The following ABI3BP variants were observed in gnomAD, a reference collection of about 807,000 sequenced individuals.
ABI3BP encodes the protein ABI family member 3 binding protein.
In ABI3BP, 216 loss-of-function variants were observed where a neutral mutation model predicts 268.6. The observed-to-expected ratio is 0.80, with a 90% CI of 0.72 to 0.90. The LOEUF (loss-of-function observed/expected upper bound fraction) is 0.90. ABI3BP is among the 40% of genes least tolerant of loss of function. ABI3BP has a pLI of 0.00. For missense variants in ABI3BP, 2,090 were observed against 2,182.4 expected, an observed-to-expected ratio of 0.96 and a Z score of 0.84; for synonymous variants, 730 against 730.0, an observed-to-expected ratio of 1.00 and a Z score of 0.00.
At position 100,987,580 on chromosome 3, in the gene ABI3BP, C is replaced by T. The variant is rs2092136227; in HGVS notation, c.79+5726G>A. Among the ~76,000 whole-genome samples, 4 of 152,118 alleles carry T rather than the reference C, an allele frequency of 2.6e-5. No individual in the cohort carries two copies. In the South Asian group the frequency reaches 8.3e-4, roughly 32 times the overall value. Reference sequence around the variant, plus strand: ...TTTGTAATATAAGGTTCTTTTATAGCAGGGGCTGTATCTCATTCAGTTTAC... The same window carrying T: ...TTTGTAATATAAGGTTCTTTTATAGTAGGGGCTGTATCTCATTCAGTTTAC... On this transcript the variant is annotated intron_variant, in intron 1 of 67. Coordinates refer to ENST00000471714, the MANE Select transcript of ABI3BP (RefSeq NM_001375547.2).
At chr3:100,776,289 G>C (rs958985705) in intron 59 of ABI3BP, among the ~76,000 whole-genome samples, 1 of 152,188 alleles carries the variant, frequency 6.6e-6, no homozygotes, top group Admixed American at 6.5e-5. Flanking sequence ...AGTCAGAAGG[G>C]CCTCTGACCT....
At chr3:100,890,274 C>A (rs907326041) in intron 4 of ABI3BP, among the ~76,000 whole-genome samples, 1 of 152,112 alleles carries the variant, frequency 6.6e-6, no homozygotes. Flanking sequence ...TGTCAAAGAA[C>A]ACATCCTGAC....
At chr3:100,931,165 C>T (rs1286899307) in intron 1 of ABI3BP, among the ~76,000 whole-genome samples, 1 of 152,030 alleles carries the variant, frequency 6.6e-6, no homozygotes, top group Non-Finnish European at 1.5e-5. Context: ...AAATCCTCAA[C>T]AAACTAGGCA....
chr3:100,920,424 T>A (rs545611215), intron 2 of ABI3BP, among the ~76,000 whole-genome samples: 76 of 152,254 alleles, frequency 5.0e-4, no homozygotes, highest in Admixed American at 2.5e-3. Flanking sequence ...TTCTTTTTTT[T>A]AAATTTTTTA....
chr3:100,967,635 A>G lies in ABI3BP; in HGVS notation c.79+25671T>C, dbSNP rs73861994. 7.1e-3 allele frequency among the ~76,000 whole-genome samples: 1,077 copies of G among 152,282 alleles called. 14 individuals are homozygous for G. Among genetic ancestry groups the G allele is most frequent in the African/African-American group, 0.024 (979 of 41,554 alleles). On this transcript the variant is annotated intron_variant, in intron 1 of 67. Coordinates refer to ENST00000471714, the MANE Select transcript of ABI3BP (RefSeq NM_001375547.2). The stretch of plus-strand genomic sequence containing the variant: ...TGAATATGCAATAAAAATTATTCCA[A>G]TTTTATGGTGATTTGCTCATGCCTC...
At chr3:100,801,201 AT>A (rs2097526025) in intron 51 of ABI3BP, among the ~76,000 whole-genome samples, 1 of 152,028 alleles carries the variant, frequency 6.6e-6, no homozygotes, top group African/African-American at 2.4e-5. Flanking sequence ...GCTAAGAAAC[AT>A]TTTAAAGACT....
At chr3:100,828,261 G>A in intron 34 of ABI3BP, 132 bp downstream of exon 34, 1 of 729,766 alleles carries the variant, frequency 1.4e-6, no homozygotes. Context: ...TCTCTTATGA[G>A]CAAGAGGCAA....
At position 100,840,661 on chromosome 3, in the gene ABI3BP, A is replaced by G. The variant is rs538701817; in HGVS notation, c.1804+159T>C. On this transcript the variant is annotated intron_variant, in intron 22 of 67. Coordinates refer to ENST00000471714, the MANE Select transcript of ABI3BP (RefSeq NM_001375547.2). Reference sequence around the variant, plus strand: ...AAAAATGAGATACAGTTTATAAACTATACCTATAGGAATTAACTTTTTTTT... The same window carrying G: ...AAAAATGAGATACAGTTTATAAACTGTACCTATAGGAATTAACTTTTTTTT... Among the ~76,000 whole-genome samples the G allele has an allele frequency of 1.0e-3, 158 of 152,310 alleles. 1 individual carries two copies. The highest frequency in any genetic ancestry group is 3.7e-3 in the African/African-American group (153 of 41,572).
chr3:100,795,309 C>G (rs75443590), intron 53 of ABI3BP, among the ~76,000 whole-genome samples: 4,770 of 152,088 alleles, frequency 0.031, 100 homozygotes, highest in Non-Finnish European at 0.05. Flanking sequence ...CTCTCTCCCC[C>G]GTTCAAGAGA....
chr3:100,971,484 TAG>T (rs1174224599), intron 1 of ABI3BP, among the ~76,000 whole-genome samples: 1 of 152,152 alleles, frequency 6.6e-6, no homozygotes, highest in Non-Finnish European at 1.5e-5. Context: ...GGTGATGGGA[TAG>T]TCTGGAGCTG....
rs369398348 is a variant in ABI3BP at position 100,751,640 on chromosome 3, A to G, written c.5157T>C (p.His1719=). 5.0e-6 allele frequency: 8 copies of G among 1,604,914 alleles called. No individual in the cohort carries two copies. Among genetic ancestry groups the G allele is most frequent in the African/African-American group, 2.7e-5 (2 of 74,800 alleles). ...KFYNIGDQRG[H]GEDHCQFVDS... is the part of the protein sequence containing the mutation. ...CCACAAACTGGCAGTGATCTTCTCC[A>G]TGGCCCCTCTGATCACCTATGTTAT... The change falls in exon 67 of 68, where the codon CAT becomes CAC. Residue 1719 remains histidine, a synonymous_variant. Coordinates refer to ENST00000471714, the MANE Select transcript of ABI3BP (RefSeq NM_001375547.2).
At chr3:100,796,134 C>T (rs544832803) in intron 52 of ABI3BP, among the ~76,000 whole-genome samples, 1 of 152,084 alleles carries the variant, frequency 6.6e-6, no homozygotes, top group Non-Finnish European at 1.5e-5. Context: ...GCTACATTTA[C>T]ATTTTGAAAG....
chr3:100,890,523 G>C (rs72928355), intron 4 of ABI3BP, among the ~76,000 whole-genome samples: 1 of 152,014 alleles, frequency 6.6e-6, no homozygotes, highest in South Asian at 2.1e-4. Context: ...GGACCTTCCC[G>C]AGTCTAAAAG....
intron 58 of ABI3BP, among the ~76,000 whole-genome samples, chr3:100,779,484 T>C (rs186640113): frequency 3.9e-5 from 6 of 152,358 alleles, no homozygotes; most frequent in African/African-American, 1.4e-4. Flanking sequence ...ACCCACATTT[T>C]AAGTCTTGTG....
intron 6 of ABI3BP, among the ~76,000 whole-genome samples, chr3:100,880,511 G>A (rs983501379): frequency 6.6e-6 from 1 of 152,108 alleles, no homozygotes; most frequent in African/African-American, 2.4e-5. Flanking sequence ...GTTGGGCTAT[G>A]CCTTGAGCAG....
chr3:100,942,490 T>G (rs35630894), intron 1 of ABI3BP, among the ~76,000 whole-genome samples: 16 of 152,070 alleles, frequency 1.1e-4, no homozygotes, highest in Non-Finnish European at 2.9e-5. Context: ...GTCATTATTG[T>G]TTTTTAATAC....
At chr3:100,826,906 C>T (rs900101928) in intron 34 of ABI3BP, among the ~76,000 whole-genome samples, 3 of 152,156 alleles carry the variant, frequency 2.0e-5, no homozygotes, top group African/African-American at 4.8e-5. Context: ...CCACTTTCCA[C>T]GGTGTCATCC....
At chr3:100,893,480 CAAAG>C (rs1167557149) in intron 4 of ABI3BP, among the ~76,000 whole-genome samples, 1 of 151,770 alleles carries the variant, frequency 6.6e-6, no homozygotes, top group Admixed American at 6.6e-5. Context: ...ATAAAAATGT[CAAAG>C]AAAGAAAGAG....
intron 2 of ABI3BP, among the ~76,000 whole-genome samples, chr3:100,907,784 T>A (rs942380151): frequency 6.6e-6 from 1 of 151,640 alleles, no homozygotes; most frequent in Admixed American, 6.6e-5. Context: ...AATAATAAAT[T>A]ATTACCACAT....
Sources: gnomAD v4.1 joint callset for allele counts (sites outside exome capture counted in the v4.1 genomes callset) on GRCh38, gnomAD v4.1.1 for gene constraint, MANE v1.5 for transcripts, NCBI Gene and HGNC (gene_info 2026-07-23, HGNC 2026-07-21) for gene names.